The following AP2B1 variants were observed in gnomAD, a reference collection of about 807,000 sequenced individuals.
AP2B1 encodes the protein adaptor related protein complex 2 subunit beta 1, also known as AP-2 complex subunit beta.
AP2B1 carries 23 observed loss-of-function variants against 102.0 expected under a neutral mutation model. That is an observed-to-expected ratio of 0.23 (90% confidence interval 0.16 to 0.32). The LOEUF (loss-of-function observed/expected upper bound fraction) is 0.32, where lower values mean the gene tolerates loss of function less well. AP2B1 is among the 10% of genes least tolerant of loss of function. The pLI, the probability that AP2B1 is intolerant of heterozygous loss-of-function variation, is 1.00. For synonymous variants in AP2B1, 381 were observed against 421.2 expected, an observed-to-expected ratio of 0.90 and a Z score of 1.17; for missense variants, 541 against 1,157.4, an observed-to-expected ratio of 0.47 and a Z score of 7.73.
chr17:35,627,565 A>G, intron 8 of AP2B1, 60 bp downstream of exon 8: 1 of 1,613,324 alleles, frequency 6.2e-7, no homozygotes, highest in South Asian at 1.1e-5. Flanking sequence ...TGGCCTTTAA[A>G]GAAGCTAGGC....
chr17:35,720,541 T>TTTTATATATA (rs1175137394), intron 21 of AP2B1, among the ~76,000 whole-genome samples: 4 of 105,256 alleles, frequency 3.8e-5, no homozygotes, highest in Non-Finnish European at 7.6e-5. Flanking sequence ...TATTTTTATT[T>TTTTATATATA]TATTTATATA....
At chr17:35,716,956 A>G (rs797040213) in intron 20 of AP2B1, among the ~76,000 whole-genome samples, 5 of 152,346 alleles carry the variant, frequency 3.3e-5, no homozygotes, top group African/African-American at 1.2e-4. Context: ...AACTCGCACT[A>G]AACCATAGGT....
chr17:35,716,922 A>G (rs587716939), intron 20 of AP2B1, among the ~76,000 whole-genome samples: 1 of 152,334 alleles, frequency 6.6e-6, no homozygotes, highest in East Asian at 1.9e-4. Flanking sequence ...CCTTAGGCCC[A>G]CCAATATCAT....
At chr17:35,646,444 A>G (rs2074935807) in intron 12 of AP2B1, among the ~76,000 whole-genome samples, 1 of 151,588 alleles carries the variant, frequency 6.6e-6, no homozygotes, top group Non-Finnish European at 1.5e-5. Flanking sequence ...GGAGATTTGC[A>G]CTCATTTCTC....
chr17:35,603,760 A>C (rs1254107093), intron 3 of AP2B1, among the ~76,000 whole-genome samples: 1 of 152,214 alleles, frequency 6.6e-6, no homozygotes. Flanking sequence ...TAAAAAGCGT[A>C]ACTGAAGTGC....
chr17:35,716,397 A>G (rs1258609162), intron 20 of AP2B1, among the ~76,000 whole-genome samples: 11 of 152,210 alleles, frequency 7.2e-5, no homozygotes, highest in African/African-American at 2.4e-4. Context: ...CATGAGGAAG[A>G]GCCAAAACAC....
At chr17:35,692,986 T>C (rs2076069322) in intron 18 of AP2B1, among the ~76,000 whole-genome samples, 1 of 152,008 alleles carries the variant, frequency 6.6e-6, no homozygotes, top group Non-Finnish European at 1.5e-5. Flanking sequence ...TTTGGCGTTT[T>C]TTTATGTTTG....
At chr17:35,670,942 T>A in intron 15 of AP2B1, 44 bp downstream of exon 15, 1 of 1,599,594 alleles carries the variant, frequency 6.3e-7, no homozygotes, top group Non-Finnish European at 8.6e-7. Flanking sequence ...CACTGCCCCC[T>A]GTTTGATGCC....
At chr17:35,636,569 A>G (rs371030436) in intron 10 of AP2B1, 113 bp downstream of exon 10, 1 of 710,236 alleles carries the variant, frequency 1.4e-6, no homozygotes, top group Non-Finnish European at 2.3e-6. Context: ...TCATAATAGG[A>G]TACTTTATCA....
At chr17:35,614,656 A>T (rs912984117) in intron 5 of AP2B1, among the ~76,000 whole-genome samples, 12 of 5,592 alleles carry the variant, frequency 2.1e-3, no homozygotes, top group African/African-American at 5.0e-3. Flanking sequence ...TTGAATTAGT[A>T]AAAAAAAAAA....
At chr17:35,705,392 ATC>A (rs2076321119) in intron 18 of AP2B1, among the ~76,000 whole-genome samples, 1 of 152,238 alleles carries the variant, frequency 6.6e-6, no homozygotes, top group Non-Finnish European at 1.5e-5. Context: ...GTCTCTTCTA[ATC>A]TCTTTTTTAA....
In AP2B1 at chr17:35,639,719, C is replaced by T. The variant is rs943257709; in HGVS notation, c.1396C>T (p.Leu466=). Residue 466 remains leucine (L), a synonymous_variant, in exon 11 of 22, where the codon CTA becomes TTA. Transcript: ENST00000610402. The part of the protein sequence containing the change: ...AERIDNADEL[L]ESFLEGFHDE... ...AAGAATTGACAATGCAGATGAGTTA[C>T]TAGAAAGCTTCCTGGAGGGTTTTCA... 14 of 1,614,036 alleles carry T rather than the reference C, an allele frequency of 8.7e-6. No individual in the cohort carries two copies. The highest frequency in any genetic ancestry group is 1.2e-5 in the Non-Finnish European group (14 of 1,180,016).
At chr17:35,599,556 G>A (rs2073407480) in intron 3 of AP2B1, among the ~76,000 whole-genome samples, 1 of 152,128 alleles carries the variant, frequency 6.6e-6, no homozygotes, top group Admixed American at 6.6e-5. Flanking sequence ...TTTTCCAAAT[G>A]ACCAGAGCAT....
chr17:35,694,308 A>G lies in AP2B1; in HGVS notation c.2454+11484A>G, dbSNP rs188561228. ...TCCCACGTTGGAGTTCAGGGGCACAAACATAGCTCACTGCATCCTCAACCT... is the reference window on the plus strand; with the variant it reads ...TCCCACGTTGGAGTTCAGGGGCACAGACATAGCTCACTGCATCCTCAACCT... On this transcript the variant is annotated intron_variant, in intron 18 of 21. Coordinates refer to ENST00000610402, the MANE Select transcript of AP2B1 (RefSeq NM_001030006.2). Among the ~76,000 whole-genome samples, 159 of 152,160 alleles carry G rather than the reference A, an allele frequency of 1.0e-3. 1 individual carries two copies. Among genetic ancestry groups the G allele is most frequent in the Non-Finnish European group, 1.9e-3 (131 of 68,006 alleles).
intron 16 of AP2B1, among the ~76,000 whole-genome samples, chr17:35,672,219 C>T (rs2075603942): frequency 6.6e-6 from 1 of 152,068 alleles, no homozygotes; most frequent in South Asian, 2.1e-4. Flanking sequence ...AGTGCAGCAG[C>T]AGGAGAAAAA....
At chr17:35,642,954 T>A (rs1347207933) in intron 12 of AP2B1, among the ~76,000 whole-genome samples, 3 of 152,104 alleles carry the variant, frequency 2.0e-5, no homozygotes, top group South Asian at 2.1e-4. Flanking sequence ...AGCATTCTAA[T>A]TTCCTGGATC....
chr17:35,722,432 C>T (rs2085427577), intron 21 of AP2B1, among the ~76,000 whole-genome samples: 1 of 152,106 alleles, frequency 6.6e-6, no homozygotes, highest in South Asian at 2.1e-4. Flanking sequence ...TTTGGGAATG[C>T]CTTGGGGACT....
intron 2 of AP2B1, among the ~76,000 whole-genome samples, chr17:35,597,409 C>T (rs1597976434): frequency 6.6e-6 from 1 of 152,170 alleles, no homozygotes; most frequent in Non-Finnish European, 1.5e-5. Flanking sequence ...ATAGTGGTTA[C>T]AGTCCCTGAC....
chr17:35,662,584 G>A (rs1048988198), intron 14 of AP2B1, among the ~76,000 whole-genome samples: 7 of 135,172 alleles, frequency 5.2e-5, no homozygotes, highest in African/African-American at 1.4e-4. Context: ...GAAACTGCTC[G>A]TTCTGAGTAG....
Sources: allele counts gnomAD v4.1 joint callset (sites outside exome capture counted in the v4.1 genomes callset), GRCh38; gene constraint gnomAD v4.1.1; transcripts MANE v1.5; gene names NCBI Gene and HGNC (gene_info 2026-07-23, HGNC 2026-07-21).